The following RUSC2 variants were observed in gnomAD, a reference collection of about 807,000 sequenced individuals.
RUSC2 encodes the protein AP-4 complex accessory subunit RUSC2.
RUSC2 carries 34 observed loss-of-function variants against 122.2 expected under a neutral mutation model. That is an observed-to-expected ratio of 0.28 (90% confidence interval 0.21 to 0.37). The LOEUF (loss-of-function observed/expected upper bound fraction) is 0.37, where lower values mean the gene tolerates loss of function less well. Among genes scored for constraint, RUSC2 ranks in the 10% least tolerant of loss-of-function variants. RUSC2 has a pLI of 1.00. For synonymous variants in RUSC2, 784 were observed against 790.0 expected (o/e 0.99, Z 0.13); for missense variants, 1,747 against 1,952.4 (o/e 0.89, Z 1.98).
intron 1 of RUSC2, among the ~76,000 whole-genome samples, chr9:35,542,548 T>C (rs1001152947): frequency 1.3e-5 from 2 of 152,234 alleles, no homozygotes; most frequent in Non-Finnish European, 2.9e-5. Flanking sequence ...AGAGGACTTG[T>C]ATCCAGAATA....
chr9:35,542,654 G>A (rs1363725498), intron 1 of RUSC2, among the ~76,000 whole-genome samples: 1 of 152,222 alleles, frequency 6.6e-6, no homozygotes, highest in Non-Finnish European at 1.5e-5. Context: ...CACCTACTGT[G>A]TTCCAAGCAC....
In RUSC2 at chr9:35,560,009, C is replaced by G; in HGVS notation, c.3389-20C>G. The G allele has an allele frequency of 1.3e-6, 2 of 1,562,202 alleles. No individual in the cohort carries two copies. The highest frequency in any genetic ancestry group is 2.4e-5 in the South Asian group (2 of 84,780). The stretch of plus-strand genomic sequence containing the variant: ...GCTCTGGTTCTCTGTGTGGATCAGT[C>G]CCTCTCTCTTTTCCCCTAGACATCA... On this transcript the variant is annotated intron_variant, in intron 9 of 11. Coordinates refer to ENST00000361226, the MANE Select transcript of RUSC2 (RefSeq NM_014806.5).
Position 35,556,353 on chromosome 9 carries a change from A to AC in RUSC2, c.2892dup (p.Phe965LeufsTer10). 6.2e-7 allele frequency: 1 copy of AC among 1,614,120 alleles called. No homozygotes were observed. The highest frequency in any genetic ancestry group is 8.5e-7 in the Non-Finnish European group (1 of 1,180,024). On this transcript the variant is annotated frameshift_variant, in exon 5 of 12. Transcript: ENST00000361226. LOFTEE classifies it high-confidence loss of function. ...CCACTGACCTGCCCTGACTTCCAGG[A>AC]CCCCTTTTCCTTGACGGAGAAGCCT...
chr9:35,553,593 G>T (rs181062844), intron 2 of RUSC2, among the ~76,000 whole-genome samples: 1 of 152,214 alleles, frequency 6.6e-6, no homozygotes, highest in African/African-American at 2.4e-5. Flanking sequence ...TATTGAGGGG[G>T]TGATATTTGA....
intron 1 of RUSC2, among the ~76,000 whole-genome samples, chr9:35,527,842 T>G (rs926848308): frequency 6.6e-6 from 1 of 152,218 alleles, no homozygotes; most frequent in African/African-American, 2.4e-5. Flanking sequence ...CTACCATGGA[T>G]CATGATGAAC....
At chr9:35,553,842 C>T (rs1821950666) in intron 2 of RUSC2, among the ~76,000 whole-genome samples, 2 of 152,288 alleles carry the variant, frequency 1.3e-5, no homozygotes, top group South Asian at 2.1e-4. Flanking sequence ...TCCCCATCCC[C>T]TCTGACTCTT....
intron 1 of RUSC2, among the ~76,000 whole-genome samples, chr9:35,490,984 C>G (rs1278840528): frequency 1.3e-5 from 2 of 151,638 alleles, no homozygotes; most frequent in East Asian, 1.9e-4. Context: ...TTGTCCTTTG[C>G]GTTTTGAACA....
chr9:35,517,151 G>GA (rs1821124333), intron 1 of RUSC2, among the ~76,000 whole-genome samples: 1 of 152,156 alleles, frequency 6.6e-6, no homozygotes, highest in South Asian at 2.1e-4. Flanking sequence ...CCTCTTCTCT[G>GA]AAAGGAAGTG....
intron 1 of RUSC2, among the ~76,000 whole-genome samples, chr9:35,525,695 A>C (rs1204688927): frequency 2.0e-5 from 3 of 152,120 alleles, no homozygotes; most frequent in Admixed American, 2.0e-4. Flanking sequence ...GCTACTCGGG[A>C]GGTTGAGGCA....
At chr9:35,524,778 T>C (rs1821289460) in intron 1 of RUSC2, among the ~76,000 whole-genome samples, 1 of 152,058 alleles carries the variant, frequency 6.6e-6, no homozygotes, top group South Asian at 2.1e-4. Context: ...GAGACCATCC[T>C]GGGTAACACG....
Position 35,560,231 on chromosome 9 carries a change from C to A in RUSC2, c.3591C>A (p.Asp1197Glu). The change falls in exon 10 of 12, where the codon GAC (aspartate) becomes GAA (glutamate). Residue 1197 changes from aspartate (D) to glutamate (E), a missense_variant. Transcript: ENST00000361226. ...AGGAACTGCTGCGGGTGTCCCAGGA[C>A]CTGCTGCTGTCTGCCCACTCCACGC... ...QHKELLRVSQDLLLSAHSTLQ... is the reference protein window; with the variant it reads ...QHKELLRVSQELLLSAHSTLQ... 6.2e-7 allele frequency: 1 copy of A among 1,603,088 alleles called. No individual in the cohort carries two copies. Among genetic ancestry groups the A allele is most frequent in the Non-Finnish European group, 8.5e-7 (1 of 1,178,060 alleles).
At position 35,561,402 on chromosome 9, in the gene RUSC2, GCCTCAGGGAC is replaced by G. The variant is rs779981506; in HGVS notation, c.*26_*35del. On this transcript the variant is annotated 3_prime_UTR_variant, in exon 12 of 12. Coordinates refer to ENST00000361226, the MANE Select transcript of RUSC2 (RefSeq NM_014806.5). Reference sequence around the variant, plus strand: ...AACTGAGGCCCTGTGCATGCTGGTGGCCTCAGGGACCCTCATAACCCCCAGACTCAGAGCC... The same window carrying G: ...AACTGAGGCCCTGTGCATGCTGGTGGCCTCATAACCCCCAGACTCAGAGCC... The G allele has an allele frequency of 3.1e-6, 5 of 1,589,020 alleles. No homozygotes were observed. Among genetic ancestry groups the G allele is most frequent in the Non-Finnish European group, 4.3e-6 (5 of 1,166,508 alleles).
intron 1 of RUSC2, among the ~76,000 whole-genome samples, chr9:35,540,558 G>A (rs1821622987): frequency 6.6e-6 from 1 of 152,180 alleles, no homozygotes; most frequent in Non-Finnish European, 1.5e-5. Flanking sequence ...AGGGAATAAT[G>A]AGCCTTGAGA....
At position 35,547,662 on chromosome 9, in the gene RUSC2, G is replaced by A; in HGVS notation, c.1141G>A (p.Ala381Thr). Reference sequence around the variant, plus strand: ...GTGCCCAGCAGTGGCTGACCTCACAGCCTGCTTCCAAAGCCAGGCCCGTCT... The same window carrying A: ...GTGCCCAGCAGTGGCTGACCTCACAACCTGCTTCCAAAGCCAGGCCCGTCT... ...EPCPAVADLT[A>T]CFQSQARLVV... Residue 381 changes from alanine to threonine, a missense_variant, in exon 2 of 12, where the codon GCC (alanine) becomes ACC (threonine). By Grantham distance (58) the Ala-to-Thr change is moderately conservative. Coordinates refer to ENST00000361226, the MANE Select transcript of RUSC2 (RefSeq NM_014806.5). This position sits in a 1 kb window ranked among gnomAD's most constrained non-coding sequence, Gnocchi z 4.6. 3 of 1,614,180 alleles carry A rather than the reference G, an allele frequency of 1.9e-6. No individual in the cohort carries two copies. Among genetic ancestry groups the A allele is most frequent in the Non-Finnish European group, 2.5e-6 (3 of 1,180,038 alleles).
intron 1 of RUSC2, among the ~76,000 whole-genome samples, chr9:35,533,743 C>T (rs1468660353): frequency 6.6e-6 from 1 of 152,228 alleles, no homozygotes; most frequent in Non-Finnish European, 1.5e-5. Context: ...TGTGTTTCTT[C>T]TTTCACCTAG....
At chr9:35,491,453 C>T (rs1272860193) in intron 1 of RUSC2, among the ~76,000 whole-genome samples, 2 of 152,162 alleles carry the variant, frequency 1.3e-5, no homozygotes, top group African/African-American at 2.4e-5. Flanking sequence ...TAGTTATGCC[C>T]GTCCTGCTGT....
chr9:35,547,711 A>C lies in RUSC2; in HGVS notation c.1190A>C (p.Tyr397Ser). 1 of 1,614,126 alleles carries C rather than the reference A, an allele frequency of 6.2e-7. No homozygotes were observed. Among genetic ancestry groups the C allele is most frequent in the African/African-American group, 1.3e-5 (1 of 75,040 alleles). Residue 397 changes from tyrosine to serine, a missense_variant, in exon 2 of 12, where the codon TAT (tyrosine) becomes TCT (serine). Transcript: ENST00000361226. The surrounding 1 kb of genome is among the most constrained non-coding windows in gnomAD (Gnocchi z 4.6). ...ARLVVATQNY[Y>S]KLVTCDLSSQ... ...CTTGTTGTGGCCACACAAAATTACTATAAACTTGTCACCTGTGACCTATCT... is the reference window on the plus strand; with the variant it reads ...CTTGTTGTGGCCACACAAAATTACTCTAAACTTGTCACCTGTGACCTATCT...
At chr9:35,529,843 C>G (rs1216541975) in intron 1 of RUSC2, among the ~76,000 whole-genome samples, 1 of 152,144 alleles carries the variant, frequency 6.6e-6, no homozygotes, top group East Asian at 1.9e-4. Flanking sequence ...TTTTCTTCTT[C>G]CTTACCTTCT....
chr9:35,537,564 T>C (rs957271682), intron 1 of RUSC2, among the ~76,000 whole-genome samples: 1 of 152,200 alleles, frequency 6.6e-6, no homozygotes, highest in Non-Finnish European at 1.5e-5. Context: ...CTTTGTGTGT[T>C]TTTGTTCTTC....
Sources: allele counts gnomAD v4.1 joint callset (sites outside exome capture counted in the v4.1 genomes callset), GRCh38; gene constraint gnomAD v4.1.1; non-coding constraint Gnocchi (gnomAD v3.1); transcripts MANE v1.5; gene names NCBI Gene and HGNC (gene_info 2026-07-23, HGNC 2026-07-21).